DOP1B: variants seen among roughly 807,000 people sequenced by gnomAD.
DOP1B encodes the protein DOP1 leucine zipper like protein B, also known as protein DOP1B.
Under a neutral mutation model 233.5 loss-of-function variants are expected in DOP1B, and 174 were observed. The ratio of observed to expected loss-of-function variants is 0.75; its 90% CI spans 0.66 to 0.85. The LOEUF (loss-of-function observed/expected upper bound fraction) is 0.85. DOP1B is among the 40% of genes least tolerant of loss of function. The pLI, the probability that DOP1B is intolerant of heterozygous loss-of-function variation, is 0.00. For synonymous variants in DOP1B, 1,190 were observed against 1,185.6 expected (o/e 1.00, Z -0.08); for missense variants, 2,652 against 2,846.6 (o/e 0.93, Z 1.56).
chr21:36,267,735 A>G (rs1237153497), intron 26 of DOP1B, among the ~76,000 whole-genome samples: 2 of 149,740 alleles, frequency 1.3e-5, no homozygotes, highest in Non-Finnish European at 1.5e-5. Context: ...GCCGGCTGAG[A>G]AATAAAGGGA....
intron 1 of DOP1B, among the ~76,000 whole-genome samples, chr21:36,159,720 C>T (rs1437911117): frequency 6.6e-6 from 1 of 152,202 alleles, no homozygotes; most frequent in East Asian, 1.9e-4. Flanking sequence ...CTTGCCACCC[C>T]ACCTTCTAAA....
At chr21:36,207,594 G>A (rs1038086159) in intron 4 of DOP1B, among the ~76,000 whole-genome samples, 1 of 149,334 alleles carries the variant, frequency 6.7e-6, no homozygotes, top group South Asian at 2.1e-4. Flanking sequence ...AGCTGAGCAC[G>A]GGCGTGCACA....
chr21:36,157,352 C>A (rs2065829117), intron 1 of DOP1B, among the ~76,000 whole-genome samples: 1 of 152,186 alleles, frequency 6.6e-6, no homozygotes, highest in Non-Finnish European at 1.5e-5. Context: ...TTGCTGGTGC[C>A]CTGGCTGGGG....
chr21:36,204,361 G>A (rs959895659), intron 4 of DOP1B, among the ~76,000 whole-genome samples: 17 of 152,254 alleles, frequency 1.1e-4, no homozygotes, highest in Middle Eastern at 3.4e-3. Flanking sequence ...TTTCCATGAT[G>A]TCCTGTCCCA....
intron 2 of DOP1B, among the ~76,000 whole-genome samples, chr21:36,167,940 C>CT (rs869190433): frequency 5.7e-4 from 23 of 40,052 alleles, no homozygotes; most frequent in Admixed American, 2.8e-3. Context: ...TTTTCTTTTT[C>CT]TTTTTTTTTT....
intron 27 of DOP1B, among the ~76,000 whole-genome samples, chr21:36,275,276 T>C (rs1476643152): frequency 1.3e-5 from 2 of 152,040 alleles, no homozygotes; most frequent in Non-Finnish European, 2.9e-5. Context: ...AGGGCCAGGA[T>C]TGGGATCATA....
At chr21:36,269,250 G>A (rs2067260855) in intron 26 of DOP1B, among the ~76,000 whole-genome samples, 1 of 151,658 alleles carries the variant, frequency 6.6e-6, no homozygotes, top group Admixed American at 6.6e-5. Context: ...CCACCTCCCG[G>A]GTTCAAGTGT....
chr21:36,290,612 G>GA (rs1444108650), intron 35 of DOP1B, among the ~76,000 whole-genome samples: 1 of 152,134 alleles, frequency 6.6e-6, no homozygotes, highest in Non-Finnish European at 1.5e-5. Flanking sequence ...CCAACATGGA[G>GA]AAAATCCATC....
At chr21:36,247,269 A>C (rs1340631345) in intron 19 of DOP1B, among the ~76,000 whole-genome samples, 2 of 152,220 alleles carry the variant, frequency 1.3e-5, no homozygotes, top group Non-Finnish European at 2.9e-5. Context: ...TGCAAAACAG[A>C]AATAAAAATG....
chr21:36,174,984 C>G (rs1369565791), intron 2 of DOP1B, among the ~76,000 whole-genome samples: 1 of 152,180 alleles, frequency 6.6e-6, no homozygotes, highest in East Asian at 1.9e-4. Context: ...AGCCAGAAGT[C>G]CAATATCAAC....
At chr21:36,210,154 AGAGATTTGGGATGGG>A (rs1447774450) in intron 5 of DOP1B, among the ~76,000 whole-genome samples, 1 of 150,826 alleles carries the variant, frequency 6.6e-6, no homozygotes, top group Non-Finnish European at 1.5e-5. Context: ...AAATCTGCTA[AGAGATTTGGGATGGG>A]GAGAAAGCCT....
intron 2 of DOP1B, among the ~76,000 whole-genome samples, chr21:36,194,644 G>A (rs1412428725): frequency 1.3e-5 from 2 of 151,702 alleles, no homozygotes; most frequent in African/African-American, 2.4e-5. Context: ...GTGCCACCAC[G>A]CCTGGCTAAT....
intron 21 of DOP1B, among the ~76,000 whole-genome samples, chr21:36,249,507 G>A (rs1341689498): frequency 6.6e-6 from 1 of 152,202 alleles, no homozygotes; most frequent in East Asian, 1.9e-4. Flanking sequence ...CCAGCCTTGA[G>A]TCTCTAAAGC....
At chr21:36,238,540 A>T (rs1461523302) in intron 16 of DOP1B, 61 bp from the exon 17 acceptor site, 10 of 1,400,418 alleles carry the variant, frequency 7.1e-6, no homozygotes, top group Non-Finnish European at 1.0e-5. Context: ...GTTTATGGTG[A>T]CTGAAGACAG....
Position 36,246,820 on chromosome 21 carries a change from C to G in DOP1B, c.4697+143C>G. ...TGTTTAGCATTATCAAGAGGGGTAA[C>G]AAGCAACTAAATGTTCTGATCCATT... On this transcript the variant is annotated intron_variant, in intron 19 of 36. Coordinates refer to ENST00000691173, the MANE Select transcript of DOP1B (RefSeq NM_001320714.2). This position sits in a 1 kb window ranked among gnomAD's most constrained non-coding sequence, Gnocchi z 5.1. 1 of 898,342 alleles carries G rather than the reference C, an allele frequency of 1.1e-6. No homozygotes were observed. Among genetic ancestry groups the G allele is most frequent in the African/African-American group, 1.7e-5 (1 of 59,512 alleles). The allele number at this position is 898,342 out of a possible 1,614,324, so 55.6% of individuals were successfully genotyped here. A position where few individuals can be genotyped will look rare whatever the true frequency, so the allele number is the denominator to read the frequency against.
intron 4 of DOP1B, among the ~76,000 whole-genome samples, chr21:36,207,565 G>A (rs1268672408): frequency 1.4e-5 from 2 of 147,966 alleles, no homozygotes; most frequent in Non-Finnish European, 3.0e-5. Context: ...CGAGGTCGAG[G>A]CTCCTTCCCC....
intron 27 of DOP1B, among the ~76,000 whole-genome samples, chr21:36,270,589 C>T (rs78928370): frequency 0.059 from 7,970 of 135,026 alleles, 516 homozygotes; most frequent in East Asian, 0.33. Flanking sequence ...GTATTTAGAG[C>T]AGTGACAAGA....
At chr21:36,206,189 A>G (rs1270257949) in intron 4 of DOP1B, among the ~76,000 whole-genome samples, 1 of 152,104 alleles carries the variant, frequency 6.6e-6, no homozygotes, top group Non-Finnish European at 1.5e-5. Context: ...CTATGATGTC[A>G]TTTAAATTGT....
Position 36,219,476 on chromosome 21 carries a change from G to A in DOP1B, c.1234G>A (p.Gly412Arg), listed in dbSNP as rs1394697806. 6.2e-7 allele frequency: 1 copy of A among 1,614,106 alleles called. No homozygotes were observed. Residue 412 changes from glycine (G) to arginine (R), a missense_variant, in exon 10 of 37, where the codon GGA (glycine) becomes AGA (arginine). Physicochemically the swap from Gly to Arg is moderately radical, Grantham distance 125 (BLOSUM62 -2). This residue lies in a region of DOP1B where 2,617 missense variants were observed against 2,794.3 expected (regional missense o/e 0.94). Transcript: ENST00000691173. ...SDLKLSYTQS[G>R]NSLISAIKEN... ...TCTTAAACTTAGCTACACCCAGAGT[G>A]GAAATTCGCTGATAAGGTATGGGTT...
Sources: allele counts gnomAD v4.1 joint callset (sites outside exome capture counted in the v4.1 genomes callset), GRCh38; gene constraint gnomAD v4.1.1; regional missense constraint gnomAD v4.1.1; non-coding constraint Gnocchi (gnomAD v3.1); transcripts MANE v1.5; gene names NCBI Gene and HGNC (gene_info 2026-07-23, HGNC 2026-07-21).